Variants in CACNG2 observed in about 807,000 individuals in gnomAD.
CACNG2 encodes the protein calcium voltage-gated channel auxiliary subunit gamma 2, also known as voltage-dependent calcium channel gamma-2 subunit.
A neutral mutation model predicts 25.9 loss-of-function variants in CACNG2; 3 were observed. That is an observed-to-expected ratio of 0.12 (90% CI 0.05 to 0.30). The LOEUF (loss-of-function observed/expected upper bound fraction) is 0.30, where lower values mean the gene tolerates loss of function less well. Ranked by LOEUF, CACNG2 falls within the 10% of genes least tolerant of loss-of-function variation. CACNG2 has a pLI of 1.00. For missense variants in CACNG2, 341 were observed against 432.5 expected, an observed-to-expected ratio of 0.79 and a Z score of 1.88; for synonymous variants, 167 against 173.3, an observed-to-expected ratio of 0.96 and a Z score of 0.29.
intron 2 of CACNG2, among the ~76,000 whole-genome samples, chr22:36,579,488 C>T (rs543357699): frequency 1.6e-4 from 24 of 151,798 alleles, no homozygotes; most frequent in African/African-American, 5.3e-4. Flanking sequence ...GCCACCTCTC[C>T]ACTACCGGGC....
At chr22:36,581,066 G>A (rs140298868) in intron 2 of CACNG2, among the ~76,000 whole-genome samples, 397 of 152,270 alleles carry the variant, frequency 2.6e-3, no homozygotes, top group African/African-American at 9.3e-3. Context: ...CCACAGCCTC[G>A]TTCCTCACCA....
intron 2 of CACNG2, among the ~76,000 whole-genome samples, chr22:36,575,014 G>T (rs1468977889): frequency 6.6e-6 from 1 of 152,174 alleles, no homozygotes; most frequent in East Asian, 1.9e-4. Flanking sequence ...AGAGGCTTAG[G>T]CCTGAGGCTT....
At chr22:36,610,357 C>CTTAGA (rs1935921089) in intron 1 of CACNG2, among the ~76,000 whole-genome samples, 1 of 150,620 alleles carries the variant, frequency 6.6e-6, no homozygotes, top group Non-Finnish European at 1.5e-5. Context: ...GAGTCAGCCC[C>CTTAGA]GTAGAGCGTG....
chr22:36,670,186 G>C (rs1471812957), intron 1 of CACNG2, among the ~76,000 whole-genome samples: 5 of 152,114 alleles, frequency 3.3e-5, no homozygotes, highest in African/African-American at 1.2e-4. Context: ...GAGCAGCGTT[G>C]GATGCTGGGC....
intron 1 of CACNG2, among the ~76,000 whole-genome samples, chr22:36,666,736 T>A (rs1466529111): frequency 6.9e-6 from 1 of 144,744 alleles, no homozygotes; most frequent in South Asian, 2.3e-4. Flanking sequence ...AACAAACCTA[T>A]GAGTGGAGGC....
chr22:36,629,685 CTTCATTCA>C (rs557166064), intron 1 of CACNG2, among the ~76,000 whole-genome samples: 39 of 152,114 alleles, frequency 2.6e-4, no homozygotes, highest in African/African-American at 7.5e-4. Flanking sequence ...TGTTCATTCA[CTTCATTCA>C]TTCATTCATT....
rs146043490 is a variant in CACNG2, at chr22:36,604,994, C to G, written c.212-17446G>C. On this transcript the variant is annotated intron_variant, in intron 1 of 3. Coordinates refer to ENST00000300105, the MANE Select transcript of CACNG2 (RefSeq NM_006078.5). ...CTCACTATGTTGTCCAGACTGGTCT[C>G]AAACTCCTGGGCTTAAGCAATCCTC... 1.6e-3 allele frequency among the ~76,000 whole-genome samples: 251 copies of G among 152,256 alleles called. 2 individuals are homozygous for G. Among genetic ancestry groups the G allele is most frequent in the African/African-American group, 5.6e-3 (231 of 41,540 alleles).
intron 1 of CACNG2, among the ~76,000 whole-genome samples, chr22:36,688,539 C>CA (rs35964599): frequency 0.31 from 21,616 of 69,658 alleles, 2,347 homozygotes; most frequent in East Asian, 0.43. Context: ...GACCCTGTCT[C>CA]AAAAAAAAAA....
chr22:36,614,216 C>T (rs1478001324), intron 1 of CACNG2, among the ~76,000 whole-genome samples: 3 of 152,164 alleles, frequency 2.0e-5, no homozygotes, highest in African/African-American at 7.2e-5. Flanking sequence ...CCAGGACCCA[C>T]CACGCTCTCT....
chr22:36,643,531 G>T, intron 1 of CACNG2, among the ~76,000 whole-genome samples: 1 of 145,704 alleles, frequency 6.9e-6, no homozygotes, highest in South Asian at 2.2e-4. Flanking sequence ...TATCCATCAT[G>T]TGCAGTGACC....
At chr22:36,693,262 G>A (rs908280907) in intron 1 of CACNG2, among the ~76,000 whole-genome samples, 22 of 152,196 alleles carry the variant, frequency 1.4e-4, no homozygotes, top group African/African-American at 4.6e-4. Flanking sequence ...ATTTGTAATG[G>A]GAGGGACTAG....
At chr22:36,656,444 C>G (rs1012033808) in intron 1 of CACNG2, among the ~76,000 whole-genome samples, 8 of 152,124 alleles carry the variant, frequency 5.3e-5, no homozygotes, top group African/African-American at 1.9e-4. Flanking sequence ...AACACACAGC[C>G]CGAATCCAAC....
intron 2 of CACNG2, among the ~76,000 whole-genome samples, chr22:36,578,121 G>C (rs1480223588): frequency 3.3e-5 from 5 of 152,022 alleles, no homozygotes; most frequent in Admixed American, 6.6e-5. Context: ...CAGCACTTTG[G>C]GAGGCCAAGG....
chr22:36,678,516 G>A (rs1601451103), intron 1 of CACNG2, among the ~76,000 whole-genome samples: 1 of 151,236 alleles, frequency 6.6e-6, no homozygotes, highest in African/African-American at 2.4e-5. Flanking sequence ...CCAAAGACTC[G>A]ACCCAATTCT....
chr22:36,662,926 C>T (rs979115497), intron 1 of CACNG2, among the ~76,000 whole-genome samples: 1 of 151,992 alleles, frequency 6.6e-6, no homozygotes, highest in Non-Finnish European at 1.5e-5. Context: ...TTTTACTGGA[C>T]CTTGGCGTAG....
At chr22:36,640,780 G>T (rs1936433234) in intron 1 of CACNG2, among the ~76,000 whole-genome samples, 1 of 152,130 alleles carries the variant, frequency 6.6e-6, no homozygotes, top group African/African-American at 2.4e-5. Flanking sequence ...AATGAAGGTC[G>T]CTCCTTTGCT....
chr22:36,611,007 G>A (rs1331049988), intron 1 of CACNG2, among the ~76,000 whole-genome samples: 1 of 152,204 alleles, frequency 6.6e-6, no homozygotes, highest in Non-Finnish European at 1.5e-5. Context: ...TTAAAACAAT[G>A]TGGTGTTGTG....
intron 1 of CACNG2, among the ~76,000 whole-genome samples, chr22:36,693,250 A>C (rs1325976493): frequency 6.6e-6 from 1 of 152,222 alleles, no homozygotes; most frequent in Non-Finnish European, 1.5e-5. Context: ...CTGTAGCCAC[A>C]TATTTGTAAT....
intron 1 of CACNG2, among the ~76,000 whole-genome samples, chr22:36,653,001 G>A (rs997439143): frequency 6.6e-6 from 1 of 152,088 alleles, no homozygotes; most frequent in Non-Finnish European, 1.5e-5. Context: ...TTGGCAAGCA[G>A]AATTGGCCTA....
Sources: gnomAD v4.1 joint callset for allele counts (sites outside exome capture counted in the v4.1 genomes callset) on GRCh38, gnomAD v4.1.1 for gene constraint, MANE v1.5 for transcripts, NCBI Gene and HGNC (gene_info 2026-07-23, HGNC 2026-07-21) for gene names.